The following FRMD5 variants were observed in gnomAD, a reference collection of about 807,000 sequenced individuals.
FRMD5 encodes FERM domain-containing protein 5.
Under a neutral mutation model 69.0 loss-of-function variants are expected in FRMD5, and 20 were observed. That is an observed-to-expected ratio of 0.29 (90% CI 0.20 to 0.42). The LOEUF is 0.42. FRMD5 is among the 10% of genes least tolerant of loss of function. The pLI is 1.00. For synonymous variants in FRMD5, 271 were observed against 260.1 expected (o/e 1.04, Z -0.40); for missense variants, 595 against 708.6 (o/e 0.84, Z 1.82).
intron 1 of FRMD5, among the ~76,000 whole-genome samples, chr15:43,996,849 T>C (rs1172485374): frequency 5.9e-5 from 9 of 152,002 alleles, no homozygotes; most frequent in Non-Finnish European, 1.2e-4. Context: ...GAAACCATCT[T>C]TTAACGAGAT....
At chr15:43,976,101 C>T (rs540387484) in intron 1 of FRMD5, among the ~76,000 whole-genome samples, 7 of 143,632 alleles carry the variant, frequency 4.9e-5, no homozygotes, top group Admixed American at 1.3e-4. Flanking sequence ...CAATTCATAC[C>T]TTGTTCCATA....
At chr15:44,097,980 T>C (rs1235750588) in intron 1 of FRMD5, among the ~76,000 whole-genome samples, 2 of 152,126 alleles carry the variant, frequency 1.3e-5, no homozygotes, top group Non-Finnish European at 2.9e-5. Flanking sequence ...AAATGTCATC[T>C]TCTTAAAGTC....
At chr15:44,017,707 G>A (rs549097290) in intron 1 of FRMD5, among the ~76,000 whole-genome samples, 212 of 150,602 alleles carry the variant, frequency 1.4e-3, no homozygotes, top group Middle Eastern at 3.4e-3. Context: ...CCGGGTTCAC[G>A]CCATTCTCCT....
rs116075006 is a variant in FRMD5, at chr15:43,954,569, G to A, written c.103-30260C>T. Among the ~76,000 whole-genome samples, 276 of 152,300 alleles carry A rather than the reference G, an allele frequency of 1.8e-3. 2 individuals are homozygous for A. The highest frequency in any genetic ancestry group is 6.2e-3 in the African/African-American group (257 of 41,568). On this transcript the variant is annotated intron_variant, in intron 1 of 13. Coordinates refer to ENST00000417257, the MANE Select transcript of FRMD5 (RefSeq NM_032892.5). ...TCCCAAAATGTGTAGGTGATAATGTGTGCGAGGGGAAAGGGGTTGACTCAT... is the reference window on the plus strand; with the variant it reads ...TCCCAAAATGTGTAGGTGATAATGTATGCGAGGGGAAAGGGGTTGACTCAT...
At chr15:43,891,028 C>G (rs532698453) in intron 8 of FRMD5, among the ~76,000 whole-genome samples, 12 of 152,292 alleles carry the variant, frequency 7.9e-5, no homozygotes, top group African/African-American at 1.9e-4. Context: ...AGACTTCCCC[C>G]CACTGAGCTC....
At chr15:44,166,708 C>T (rs559670420) in intron 1 of FRMD5, among the ~76,000 whole-genome samples, 5 of 143,648 alleles carry the variant, frequency 3.5e-5, no homozygotes, top group Admixed American at 1.4e-4. Context: ...GGTTTAAACC[C>T]GGGAGGTAGA....
In FRMD5 at chr15:43,873,265, C is replaced by T. The variant is rs770469827; in HGVS notation, c.*620G>A. ...AACAAAAGGAAAAGAAAATCCAACT[C>T]AGACCATCATAAGAAGCAACTTTCC... On this transcript the variant is annotated 3_prime_UTR_variant, in exon 14 of 14. Coordinates refer to ENST00000417257, the MANE Select transcript of FRMD5 (RefSeq NM_032892.5). 23 of 1,545,592 alleles carry T rather than the reference C, an allele frequency of 1.5e-5. No individual in the cohort carries two copies. Among genetic ancestry groups the T allele is most frequent in the Non-Finnish European group, 2.0e-5 (23 of 1,145,746 alleles).
chr15:43,941,617 G>A (rs961035136), intron 1 of FRMD5, among the ~76,000 whole-genome samples: 26 of 152,184 alleles, frequency 1.7e-4, no homozygotes, highest in African/African-American at 6.3e-4. Context: ...AATATGGTGG[G>A]CACTTAAAAA....
intron 1 of FRMD5, among the ~76,000 whole-genome samples, chr15:43,926,380 T>C (rs990706573): frequency 6.6e-6 from 1 of 152,204 alleles, no homozygotes; most frequent in Non-Finnish European, 1.5e-5. Context: ...GGAATTTCTG[T>C]AGTGTAGTGG....
chr15:44,196,515 T>C (rs1329446295), upstream of FRMD5, among the ~76,000 whole-genome samples: 1 of 151,804 alleles, frequency 6.6e-6, no homozygotes, highest in Non-Finnish European at 1.5e-5. Flanking sequence ...CTGTAATAAA[T>C]ATATTAATTT....
chr15:44,157,376 A>T, intron 1 of FRMD5, among the ~76,000 whole-genome samples: 1 of 152,324 alleles, frequency 6.6e-6, no homozygotes, highest in South Asian at 2.1e-4. Flanking sequence ...TAGGAACTGG[A>T]CCTTCAGACT....
At chr15:44,038,985 C>T (rs1297836144) in intron 1 of FRMD5, among the ~76,000 whole-genome samples, 2 of 152,176 alleles carry the variant, frequency 1.3e-5, no homozygotes, top group African/African-American at 4.8e-5. Context: ...ACTTAGAATG[C>T]TCAAGCTTTG....
At chr15:44,168,807 C>G (rs754229964) in intron 1 of FRMD5, among the ~76,000 whole-genome samples, 3 of 152,196 alleles carry the variant, frequency 2.0e-5, no homozygotes, top group Non-Finnish European at 4.4e-5. Flanking sequence ...TCTTCTGATT[C>G]TCTCCGAGGT....
chr15:44,033,150 C>A (rs1325254145), intron 1 of FRMD5, among the ~76,000 whole-genome samples: 2 of 151,924 alleles, frequency 1.3e-5, no homozygotes, highest in African/African-American at 4.8e-5. Context: ...TAAGTGGTAG[C>A]TAAATGATAA....
intron 7 of FRMD5, among the ~76,000 whole-genome samples, chr15:43,901,150 C>T (rs2089036631): frequency 6.6e-6 from 1 of 152,092 alleles, no homozygotes; most frequent in Non-Finnish European, 1.5e-5. Flanking sequence ...CAGATGACAG[C>T]CATCCACAGG....
chr15:43,975,096 A>C (rs976030697), intron 1 of FRMD5, among the ~76,000 whole-genome samples: 8 of 152,250 alleles, frequency 5.3e-5, no homozygotes, highest in Admixed American at 2.6e-4. Context: ...AGAGCAGATT[A>C]GCTTAGCAAA....
In FRMD5 at chr15:43,873,133, G is replaced by T; in HGVS notation, c.*752C>A. 1 of 1,511,724 alleles carries T rather than the reference G, an allele frequency of 6.6e-7. No homozygotes were observed. The highest frequency in any genetic ancestry group is 9.0e-7 in the Non-Finnish European group (1 of 1,114,390). 93.6% of individuals were successfully genotyped at this position (1,511,724 alleles called of 1,614,324 possible). A position where few individuals can be genotyped will look rare whatever the true frequency, so the allele number is the denominator to read the frequency against. The stretch of plus-strand genomic sequence containing the variant: ...TAGTTTCATTATACAAAACTATGGT[G>T]ATGCCCACTAGGCTCTAGACTAAGG... On this transcript the variant is annotated 3_prime_UTR_variant, in exon 14 of 14. Transcript: ENST00000417257.
intron 1 of FRMD5, among the ~76,000 whole-genome samples, chr15:44,137,865 T>C (rs1277833039): frequency 1.3e-5 from 2 of 152,076 alleles, no homozygotes; most frequent in Non-Finnish European, 2.9e-5. Flanking sequence ...GCCAGGCACA[T>C]TGCTTAAAGC....
At chr15:43,902,075 A>C (rs2089058672) in intron 7 of FRMD5, 100 bp downstream of exon 7, 7 of 797,490 alleles carry the variant, frequency 8.8e-6, no homozygotes, top group African/African-American at 1.7e-5. Flanking sequence ...CCAGCCATGT[A>C]AACGTTGAAG....
Sources: allele counts gnomAD v4.1 joint callset (sites outside exome capture counted in the v4.1 genomes callset), GRCh38; gene constraint gnomAD v4.1.1; transcripts MANE v1.5; gene names NCBI Gene and HGNC (gene_info 2026-07-23, HGNC 2026-07-21).